The following COL8A1 variants were observed in gnomAD, a reference collection of about 807,000 sequenced individuals.
COL8A1 encodes collagen alpha-1(VIII) chain.
Under a neutral mutation model 42.7 loss-of-function variants are expected in COL8A1, and 21 were observed. That is an observed-to-expected ratio of 0.49 (90% CI 0.35 to 0.71). The LOEUF (loss-of-function observed/expected upper bound fraction) is 0.71. Among genes scored for constraint, COL8A1 ranks in the 30% least tolerant of loss-of-function variants. The probability of loss-of-function intolerance (pLI) is 0.01; values close to 1 mark genes in which losing one functional copy is unlikely to be tolerated. For missense variants in COL8A1, 788 were observed against 962.4 expected (o/e 0.82, Z 2.40); for synonymous variants, 367 against 369.1 (o/e 0.99, Z 0.06).
At chr3:99,640,595 C>A (rs1446889609) in intron 1 of COL8A1, among the ~76,000 whole-genome samples, 2 of 152,124 alleles carry the variant, frequency 1.3e-5, no homozygotes, top group Non-Finnish European at 2.9e-5. Flanking sequence ...TCCACCGGAC[C>A]AGCTATGGAC....
chr3:99,727,840 C>A (rs1302147085), intron 1 of COL8A1, among the ~76,000 whole-genome samples: 1 of 152,002 alleles, frequency 6.6e-6, no homozygotes, highest in Non-Finnish European at 1.5e-5. Flanking sequence ...GTTCAACATA[C>A]ACAAATCAAT....
chr3:99,782,130 G>GA (rs199931454), intron 2 of COL8A1, among the ~76,000 whole-genome samples: 16 of 150,614 alleles, frequency 1.1e-4, no homozygotes, highest in South Asian at 6.3e-4. Flanking sequence ...AATGTGGTAA[G>GA]AAAAAAAAAC....
chr3:99,651,126 A>G (rs938945332), intron 1 of COL8A1, among the ~76,000 whole-genome samples: 11 of 152,146 alleles, frequency 7.2e-5, no homozygotes, highest in Non-Finnish European at 1.6e-4. Flanking sequence ...ATGACACCCT[A>G]TCACTGCCTG....
intron 1 of COL8A1, among the ~76,000 whole-genome samples, chr3:99,731,534 G>A (rs1940509433): frequency 6.6e-6 from 1 of 152,058 alleles, no homozygotes. Flanking sequence ...CAGTGCCATG[G>A]GGAGCTATTG....
At chr3:99,737,519 G>A (rs1940763544) in intron 1 of COL8A1, among the ~76,000 whole-genome samples, 1 of 152,034 alleles carries the variant, frequency 6.6e-6, no homozygotes, top group South Asian at 2.1e-4. Context: ...ATTCTGGGTT[G>A]AAAATTCTTT....
chr3:99,679,470 T>C (rs1346706549), intron 1 of COL8A1: 4 of 152,284 alleles, frequency 2.6e-5, no homozygotes, highest in South Asian at 4.1e-4. Flanking sequence ...TGTCCTTCTA[T>C]AATAGAGTTT....
intron 2 of COL8A1, among the ~76,000 whole-genome samples, chr3:99,754,221 C>T (rs1941210195): frequency 6.6e-6 from 1 of 152,186 alleles, no homozygotes; most frequent in Admixed American, 6.5e-5. Flanking sequence ...CATTTTTCCA[C>T]CTGCTATACA....
intron 2 of COL8A1, among the ~76,000 whole-genome samples, chr3:99,773,837 A>ATATATATATATATATATTTT (rs1200212756): frequency 4.4e-5 from 2 of 45,400 alleles, no homozygotes; most frequent in Non-Finnish European, 7.1e-5. Flanking sequence ...ATATATATAT[A>ATATATATATATATATATTTT]TTTTTTTTTT....
chr3:99,725,823 A>G (rs151243765), intron 1 of COL8A1, among the ~76,000 whole-genome samples: 116 of 152,160 alleles, frequency 7.6e-4, no homozygotes, highest in African/African-American at 2.6e-3. Context: ...ATTGTTGGAC[A>G]TTTGGGTTGG....
At chr3:99,676,438 A>G (rs1204705763) in intron 1 of COL8A1, among the ~76,000 whole-genome samples, 1 of 152,158 alleles carries the variant, frequency 6.6e-6, no homozygotes, top group Non-Finnish European at 1.5e-5. Flanking sequence ...AGAATGGTTT[A>G]GGATTCAAAA....
chr3:99,780,110 A>G (rs1260813583), intron 2 of COL8A1, among the ~76,000 whole-genome samples: 1 of 152,190 alleles, frequency 6.6e-6, no homozygotes, highest in African/African-American at 2.4e-5. Flanking sequence ...TTTAATTTAA[A>G]TAATAGCTAA....
At chr3:99,788,757 G>A (rs758007434) in intron 2 of COL8A1, among the ~76,000 whole-genome samples, 4 of 152,168 alleles carry the variant, frequency 2.6e-5, no homozygotes, top group Non-Finnish European at 5.9e-5. Flanking sequence ...AAATAGAAGT[G>A]TGTATAGTAT....
chr3:99,785,939 A>G (rs911105252), intron 2 of COL8A1, among the ~76,000 whole-genome samples: 2 of 152,242 alleles, frequency 1.3e-5, no homozygotes, highest in African/African-American at 4.8e-5. Context: ...AGAGAAATAA[A>G]AGGAAAATAA....
intron 1 of COL8A1, among the ~76,000 whole-genome samples, chr3:99,734,980 T>C (rs1940657781): frequency 6.6e-6 from 1 of 152,076 alleles, no homozygotes; most frequent in African/African-American, 2.4e-5. Context: ...AGAATGCTTG[T>C]GATTTTTGTA....
intron 2 of COL8A1, among the ~76,000 whole-genome samples, chr3:99,756,775 A>G (rs1172621012): frequency 6.6e-6 from 1 of 152,022 alleles, no homozygotes; most frequent in Non-Finnish European, 1.5e-5. Context: ...CATGATCAAG[A>G]AAACACTCAC....
chr3:99,758,134 A>T (rs558449939), intron 2 of COL8A1, among the ~76,000 whole-genome samples: 115 of 152,336 alleles, frequency 7.5e-4, no homozygotes, highest in African/African-American at 2.5e-3. Flanking sequence ...CACTTTAAAA[A>T]TAGGTATGAG....
chr3:99,693,029 T>C lies in COL8A1; in HGVS notation c.-128-51868T>C, dbSNP rs1939266115. ...TAAAAATTAGCCAGGCGTGGTGGCG[T>C]GTGTTTGTAATCCCAGCTACTTGAG... On this transcript the variant is annotated intron_variant, in intron 1 of 3. Coordinates refer to ENST00000652472, the MANE Select transcript of COL8A1 (RefSeq NM_020351.4). Among the ~76,000 whole-genome samples the C allele has an allele frequency of 1.3e-5, 2 of 152,092 alleles. 1 individual carries two copies. The highest frequency in any genetic ancestry group is 4.1e-4 in the South Asian group (2 of 4,826).
At chr3:99,792,592 G>A (rs1372218197) in intron 3 of COL8A1, among the ~76,000 whole-genome samples, 1 of 152,172 alleles carries the variant, frequency 6.6e-6, no homozygotes, top group African/African-American at 2.4e-5. Flanking sequence ...TAGTGTGGCT[G>A]TATTATTCTT....
intron 1 of COL8A1, chr3:99,703,646 A>G (rs1221788863): frequency 6.6e-6 from 1 of 152,202 alleles, no homozygotes; most frequent in African/African-American, 2.4e-5. Context: ...TATCGGAGTT[A>G]TTAGTAGAAT....
Sources: gnomAD v4.1 joint callset for allele counts (sites outside exome capture counted in the v4.1 genomes callset) on GRCh38, gnomAD v4.1.1 for gene constraint, MANE v1.5 for transcripts, NCBI Gene and HGNC (gene_info 2026-07-23, HGNC 2026-07-21) for gene names.